Variants in GSTCD observed in about 807,000 individuals in gnomAD.
GSTCD encodes glutathione S-transferase C-terminal domain-containing protein.
Under a neutral mutation model 68.3 loss-of-function variants are expected in GSTCD, and 44 were observed. The ratio of observed to expected loss-of-function variants is 0.64; its 90% CI spans 0.51 to 0.83. The LOEUF is 0.83. Among genes scored for constraint, GSTCD ranks in the 40% least tolerant of loss-of-function variants. The pLI, the probability that GSTCD is intolerant of heterozygous loss-of-function variation, is 0.00. For synonymous variants in GSTCD, 273 were observed against 255.2 expected, an observed-to-expected ratio of 1.07 and a Z score of -0.67; for missense variants, 739 against 735.9, an observed-to-expected ratio of 1.00 and a Z score of -0.05.
chr4:105,827,015 G>A (rs1309823679), intron 8 of GSTCD: 3 of 151,978 alleles, frequency 2.0e-5, no homozygotes, highest in African/African-American at 4.8e-5. Context: ...TTGCAGACAC[G>A]ATCTACAGTT....
At chr4:105,779,117 A>G (rs1735183132) in intron 5 of GSTCD, among the ~76,000 whole-genome samples, 1 of 152,190 alleles carries the variant, frequency 6.6e-6, no homozygotes, top group Non-Finnish European at 1.5e-5. Context: ...TTGTCCCAAT[A>G]ACATCCTTTA....
intron 4 of GSTCD, among the ~76,000 whole-genome samples, chr4:105,728,234 G>A (rs1733106306): frequency 6.6e-6 from 1 of 152,058 alleles, no homozygotes; most frequent in Non-Finnish European, 1.5e-5. Flanking sequence ...TTGAACAATT[G>A]TGAATATTAT....
intron 5 of GSTCD, among the ~76,000 whole-genome samples, chr4:105,735,787 T>C (rs1194548264): frequency 2.0e-5 from 3 of 151,992 alleles, no homozygotes; most frequent in Non-Finnish European, 4.4e-5. Flanking sequence ...TGCTGGGAGC[T>C]GTAGACTGAA....
intron 11 of GSTCD, among the ~76,000 whole-genome samples, chr4:105,843,817 T>C (rs1227973014): frequency 6.8e-6 from 1 of 147,468 alleles, no homozygotes; most frequent in Non-Finnish European, 1.5e-5. Context: ...ATAATTAGTA[T>C]GGTGGATGGA....
chr4:105,836,528 G>A (rs897452523), intron 9 of GSTCD, among the ~76,000 whole-genome samples: 1 of 152,088 alleles, frequency 6.6e-6, no homozygotes. Flanking sequence ...CACCCAGGCT[G>A]TTTGTGCCAA....
chr4:105,773,810 G>A (rs1734948039), intron 5 of GSTCD, among the ~76,000 whole-genome samples: 2 of 152,286 alleles, frequency 1.3e-5, no homozygotes, highest in African/African-American at 4.8e-5. Context: ...GTGATGTGGT[G>A]CTGAGAAGAA....
chr4:105,792,572 T>C (rs1174316451), intron 5 of GSTCD, among the ~76,000 whole-genome samples: 2 of 152,046 alleles, frequency 1.3e-5, no homozygotes, highest in African/African-American at 4.8e-5. Context: ...TAGAGCCGAA[T>C]TAGACTGCTA....
intron 1 of GSTCD, among the ~76,000 whole-genome samples, chr4:105,711,880 TA>T (rs1732549681): frequency 6.6e-6 from 1 of 152,246 alleles, no homozygotes; most frequent in African/African-American, 2.4e-5. Flanking sequence ...TAAGTATACA[TA>T]AAAACTTCTG....
chr4:105,822,498 A>G (rs566768436), intron 5 of GSTCD, among the ~76,000 whole-genome samples: 2 of 152,126 alleles, frequency 1.3e-5, no homozygotes, highest in Non-Finnish European at 2.9e-5. Context: ...GGATCTCTCT[A>G]TAAGGAGATT....
chr4:105,823,735 G>T, intron 7 of GSTCD: 1 of 150,288 alleles, frequency 6.7e-6, no homozygotes. Flanking sequence ...TCCATCAAAT[G>T]CTTTGCTTTT....
At chr4:105,831,513 TA>T (rs933765928) in intron 8 of GSTCD, among the ~76,000 whole-genome samples, 1 of 152,124 alleles carries the variant, frequency 6.6e-6, no homozygotes, top group African/African-American at 2.4e-5. Context: ...GGCTCTTTGT[TA>T]AAAAAAATAT....
chr4:105,781,000 C>T (rs530393832), intron 5 of GSTCD, among the ~76,000 whole-genome samples: 6 of 152,142 alleles, frequency 3.9e-5, no homozygotes, highest in Admixed American at 6.5e-5. Flanking sequence ...TACTTAATCT[C>T]AAGCAAATTA....
intron 5 of GSTCD, among the ~76,000 whole-genome samples, chr4:105,750,239 G>A (rs374354038): frequency 3.4e-4 from 51 of 152,176 alleles, no homozygotes; most frequent in Middle Eastern, 3.4e-3. Flanking sequence ...CGAGGCGGGC[G>A]GATGACCTGA....
At chr4:105,716,290 C>T (rs571385292) in intron 1 of GSTCD, among the ~76,000 whole-genome samples, 11 of 152,068 alleles carry the variant, frequency 7.2e-5, no homozygotes, top group African/African-American at 2.7e-4. Context: ...ATTGAGTAGT[C>T]AGGGAGGATC....
intron 5 of GSTCD, among the ~76,000 whole-genome samples, chr4:105,734,905 A>C (rs1020991287): frequency 6.6e-6 from 1 of 151,272 alleles, no homozygotes; most frequent in Non-Finnish European, 1.5e-5. Flanking sequence ...AACAGTCAGG[A>C]CCCTCAGCTG....
At chr4:105,845,379 A>G in intron 11 of GSTCD, 62 bp from the exon 12 acceptor site, 2 of 1,602,298 alleles carry the variant, frequency 1.2e-6, no homozygotes, top group South Asian at 1.1e-5. Context: ...ATTCCCTTAA[A>G]CAAACTGAAA....
chr4:105,820,782 T>C (rs767660793), intron 5 of GSTCD, among the ~76,000 whole-genome samples: 33 of 152,042 alleles, frequency 2.2e-4, no homozygotes, highest in Non-Finnish European at 3.8e-4. Flanking sequence ...ACATGTATTT[T>C]TTTATATGCA....
At chr4:105,835,620 G>A (rs139981862) in intron 9 of GSTCD, among the ~76,000 whole-genome samples, 52 of 152,168 alleles carry the variant, frequency 3.4e-4, no homozygotes, top group African/African-American at 1.1e-3. Context: ...CTGAAGGGCC[G>A]CATCTCTTCT....
At chr4:105,743,653 CTTTTTTTTTTTT>C (rs777714268) in intron 5 of GSTCD, among the ~76,000 whole-genome samples, 1 of 88,848 alleles carries the variant, frequency 1.1e-5, no homozygotes, top group Admixed American at 1.2e-4. Flanking sequence ...ACAGGACATT[CTTTTTTTTTTTT>C]TTTTTTTTTT....
Sources: gnomAD v4.1 joint callset for allele counts (sites outside exome capture counted in the v4.1 genomes callset) on GRCh38, gnomAD v4.1.1 for gene constraint, MANE v1.5 for transcripts, NCBI Gene and HGNC (gene_info 2026-07-23, HGNC 2026-07-21) for gene names.